NXPH2: variants seen among roughly 807,000 people sequenced by gnomAD.
NXPH2 encodes neurexophilin 2.
In NXPH2, 5 loss-of-function variants were observed where a neutral mutation model predicts 19.8. The ratio of observed to expected loss-of-function variants is 0.25; its 90% CI spans 0.13 to 0.53. The LOEUF (loss-of-function observed/expected upper bound fraction) is 0.53. Ranked by LOEUF, NXPH2 falls within the 20% of genes least tolerant of loss-of-function variation. The pLI, the probability that NXPH2 is intolerant of heterozygous loss-of-function variation, is 0.96. For missense variants in NXPH2, 289 were observed against 322.8 expected (o/e 0.90, Z 0.80); for synonymous variants, 154 against 127.4 (o/e 1.21, Z -1.41).
chr2:138,739,557 C>T (rs1681611288), intron 1 of NXPH2, among the ~76,000 whole-genome samples: 1 of 152,154 alleles, frequency 6.6e-6, no homozygotes, highest in South Asian at 2.1e-4. Context: ...ATACCTGCCA[C>T]ATGGGCACCA....
chr2:138,693,583 G>A (rs1026622240), intron 1 of NXPH2, among the ~76,000 whole-genome samples: 3 of 151,048 alleles, frequency 2.0e-5, no homozygotes, highest in Non-Finnish European at 4.4e-5. Context: ...ACCATGTCTT[G>A]ATTTTTTTTT....
chr2:138,674,906 C>T (rs916733315), intron 1 of NXPH2, among the ~76,000 whole-genome samples: 1 of 152,174 alleles, frequency 6.6e-6, no homozygotes, highest in Admixed American at 6.5e-5. Context: ...ACACACCTAC[C>T]ATTTGCGGAA....
intron 1 of NXPH2, among the ~76,000 whole-genome samples, chr2:138,730,674 A>T (rs1681434332): frequency 6.6e-6 from 1 of 152,220 alleles, no homozygotes; most frequent in Admixed American, 6.5e-5. Context: ...ACATGATCAA[A>T]GTTCTAATAA....
chr2:138,770,942 A>G (rs548721284), intron 1 of NXPH2, among the ~76,000 whole-genome samples: 73 of 152,280 alleles, frequency 4.8e-4, no homozygotes, highest in Non-Finnish European at 8.2e-4. Flanking sequence ...TACATGTTAA[A>G]AACAATGAAG....
chr2:138,710,494 T>C (rs1208313400), intron 1 of NXPH2, among the ~76,000 whole-genome samples: 3 of 152,144 alleles, frequency 2.0e-5, no homozygotes, highest in African/African-American at 7.2e-5. Context: ...AAACTTTTTT[T>C]CAGCAACTCC....
At chr2:138,730,145 T>A (rs532874691) in intron 1 of NXPH2, among the ~76,000 whole-genome samples, 3 of 152,274 alleles carry the variant, frequency 2.0e-5, no homozygotes, top group Admixed American at 6.5e-5. Context: ...GACTAGGGCC[T>A]GCCCATATGA....
At chr2:138,752,676 C>T (rs890976978) in intron 1 of NXPH2, among the ~76,000 whole-genome samples, 1 of 152,128 alleles carries the variant, frequency 6.6e-6, no homozygotes, top group African/African-American at 2.4e-5. Flanking sequence ...AGGTCCTTTT[C>T]CTGTTCCGGG....
chr2:138,688,944 G>T (rs1185335524), intron 1 of NXPH2, among the ~76,000 whole-genome samples: 2 of 152,124 alleles, frequency 1.3e-5, no homozygotes, highest in Admixed American at 6.5e-5. Flanking sequence ...ATTCTCTGTT[G>T]TGTTTCCAAT....
chr2:138,686,832 T>C (rs1680663669), intron 1 of NXPH2, among the ~76,000 whole-genome samples: 1 of 152,152 alleles, frequency 6.6e-6, no homozygotes, highest in Non-Finnish European at 1.5e-5. Context: ...AATAGTGTGC[T>C]GAGAATGATG....
chr2:138,761,149 T>A (rs190707465), intron 1 of NXPH2, among the ~76,000 whole-genome samples: 132 of 152,238 alleles, frequency 8.7e-4, no homozygotes, highest in African/African-American at 3.1e-3. Flanking sequence ...ATTGCCACCA[T>A]CTGCCCCCAC....
intron 1 of NXPH2, among the ~76,000 whole-genome samples, chr2:138,693,963 C>T (rs900142857): frequency 2.0e-5 from 3 of 152,110 alleles, no homozygotes; most frequent in Admixed American, 2.0e-4. Flanking sequence ...GCTTAAGCTG[C>T]AAACATGAGT....
intron 1 of NXPH2, among the ~76,000 whole-genome samples, chr2:138,753,867 T>C (rs2104834946): frequency 6.6e-6 from 1 of 152,330 alleles, no homozygotes; most frequent in Non-Finnish European, 1.5e-5. Context: ...CTTTATTAAC[T>C]AGAGTACAGT....
chr2:138,688,791 T>G (rs1431279553), intron 1 of NXPH2, among the ~76,000 whole-genome samples: 1 of 152,188 alleles, frequency 6.6e-6, no homozygotes, highest in African/African-American at 2.4e-5. Flanking sequence ...ATACATAAAG[T>G]GTCTCTTGAC....
At chr2:138,673,685 C>A (rs570799058) in intron 1 of NXPH2, among the ~76,000 whole-genome samples, 4 of 149,516 alleles carry the variant, frequency 2.7e-5, no homozygotes, top group Non-Finnish European at 5.9e-5. Flanking sequence ...CAGTTTGATG[C>A]CCAGGTGGTC....
At chr2:138,728,977 T>C (rs1681403330) in intron 1 of NXPH2, among the ~76,000 whole-genome samples, 1 of 152,186 alleles carries the variant, frequency 6.6e-6, no homozygotes, top group Non-Finnish European at 1.5e-5. Flanking sequence ...ATCTAATCAA[T>C]TTTCTAGGGT....
At chr2:138,682,102 T>TA (rs1164562740) in intron 1 of NXPH2, among the ~76,000 whole-genome samples, 1 of 152,122 alleles carries the variant, frequency 6.6e-6, no homozygotes, top group Non-Finnish European at 1.5e-5. Flanking sequence ...ATCCTGCAGC[T>TA]AAAACTAAAA....
intron 1 of NXPH2, among the ~76,000 whole-genome samples, chr2:138,742,703 T>C (rs1054023134): frequency 2.6e-5 from 4 of 152,192 alleles, no homozygotes; most frequent in African/African-American, 9.7e-5. Context: ...GCACTTGCTG[T>C]TGGGCCCAGA....
At chr2:138,693,969 T>C (rs1680787445) in intron 1 of NXPH2, among the ~76,000 whole-genome samples, 2 of 152,288 alleles carry the variant, frequency 1.3e-5, no homozygotes, top group Admixed American at 1.3e-4. Context: ...GCTGCAAACA[T>C]GAGTAAAACT....
Position 138,671,543 on chromosome 2 carries a change from C to T in NXPH2, c.174G>A (p.Leu58=). 6.2e-7 allele frequency: 1 copy of T among 1,613,982 alleles called. No homozygotes were observed. Residue 58 remains leucine (L), a synonymous_variant, in exon 2 of 2, where the codon CTG becomes CTA. Transcript: ENST00000272641. ...TGGGCACCGGAGACTGTTTAACAAA[C>T]AGGCGCAGGGGACTGATGATCCTTG... ...VHSRIISPLR[L]FVKQSPVPKP...
Sources: allele counts gnomAD v4.1 joint callset (sites outside exome capture counted in the v4.1 genomes callset), GRCh38; gene constraint gnomAD v4.1.1; transcripts MANE v1.5; gene names NCBI Gene and HGNC (gene_info 2026-07-23, HGNC 2026-07-21).